The following RSRC1 variants were observed in gnomAD, a reference collection of about 807,000 sequenced individuals.
RSRC1 encodes arginine and serine rich coiled-coil 1, also known as serine/Arginine-related protein 53.
RSRC1 carries 39 observed loss-of-function variants against 49.1 expected under a neutral mutation model. The ratio of observed to expected loss-of-function variants is 0.79; its 90% CI spans 0.61 to 1.04. The LOEUF (loss-of-function observed/expected upper bound fraction) is 1.04. Ranked by LOEUF, RSRC1 falls within the 50% of genes least tolerant of loss-of-function variation. RSRC1 has a pLI of 0.00. For synonymous variants in RSRC1, 143 were observed against 130.8 expected, an observed-to-expected ratio of 1.09 and a Z score of -0.63; for missense variants, 388 against 402.4, an observed-to-expected ratio of 0.96 and a Z score of 0.31.
chr3:158,215,042 T>C (rs901959034), intron 4 of RSRC1, among the ~76,000 whole-genome samples: 7 of 19,378 alleles, frequency 3.6e-4, no homozygotes, highest in African/African-American at 1.1e-3. Flanking sequence ...AGATTTTGCT[T>C]TGTGTATTTT....
At chr3:158,327,030 G>A (rs1005995484) in intron 5 of RSRC1, among the ~76,000 whole-genome samples, 15 of 152,166 alleles carry the variant, frequency 9.9e-5, no homozygotes, top group African/African-American at 3.1e-4. Context: ...GGTGTTTATA[G>A]TATTCTCTGA....
At chr3:158,506,706 C>A (rs1739877182) in intron 7 of RSRC1, among the ~76,000 whole-genome samples, 1 of 151,588 alleles carries the variant, frequency 6.6e-6, no homozygotes, top group Non-Finnish European at 1.5e-5. Flanking sequence ...CAAAAGGAAA[C>A]CCACATACAC....
At chr3:158,385,382 C>T (rs116392407) in intron 6 of RSRC1, among the ~76,000 whole-genome samples, 2,465 of 152,226 alleles carry the variant, frequency 0.016, 64 homozygotes, top group African/African-American at 0.056. Flanking sequence ...GTCAGGAAAA[C>T]TACAAAGTGT....
At chr3:158,512,602 T>C (rs1410338901) in intron 7 of RSRC1, among the ~76,000 whole-genome samples, 4 of 152,058 alleles carry the variant, frequency 2.6e-5, no homozygotes, top group Non-Finnish European at 5.9e-5. Flanking sequence ...ATGCGGGCTC[T>C]TTTTTGGTTC....
At chr3:158,463,446 T>C (rs1737722560) in intron 7 of RSRC1, among the ~76,000 whole-genome samples, 1 of 152,116 alleles carries the variant, frequency 6.6e-6, no homozygotes. Context: ...GTGTATATAG[T>C]TCTGTATCTG....
chr3:158,203,703 T>C (rs1167118222), intron 4 of RSRC1, among the ~76,000 whole-genome samples: 1 of 152,166 alleles, frequency 6.6e-6, no homozygotes, highest in Admixed American at 6.6e-5. Flanking sequence ...TGATTTACTA[T>C]TGTTTAAGCC....
chr3:158,533,163 A>G (rs918277439), intron 7 of RSRC1, among the ~76,000 whole-genome samples: 2 of 151,826 alleles, frequency 1.3e-5, no homozygotes, highest in Non-Finnish European at 2.9e-5. Context: ...GTCTATTTTC[A>G]TACAATAGAG....
chr3:158,329,650 G>T (rs554874877), intron 5 of RSRC1, among the ~76,000 whole-genome samples: 6 of 152,280 alleles, frequency 3.9e-5, no homozygotes, highest in African/African-American at 9.6e-5. Flanking sequence ...TGCCCCTACT[G>T]GGGGGTGCCT....
chr3:158,235,112 C>T (rs768716207), intron 4 of RSRC1, among the ~76,000 whole-genome samples: 3 of 151,920 alleles, frequency 2.0e-5, no homozygotes, highest in Non-Finnish European at 2.9e-5. Context: ...TAGTAGTGAG[C>T]GATTTTTCTT....
At chr3:158,275,885 A>T in intron 4 of RSRC1, 1 of 644,306 alleles carries the variant, frequency 1.6e-6, no homozygotes, top group East Asian at 3.6e-5. Flanking sequence ...TGTGTGGTGG[A>T]ACTTATGGCC....
intron 6 of RSRC1, among the ~76,000 whole-genome samples, chr3:158,426,832 A>C (rs1735474283): frequency 6.6e-6 from 1 of 151,766 alleles, no homozygotes; most frequent in East Asian, 1.9e-4. Flanking sequence ...GAAGGGAGCC[A>C]AAAAGGAATG....
intron 3 of RSRC1, among the ~76,000 whole-genome samples, chr3:158,154,076 G>A (rs1240265779): frequency 3.3e-5 from 5 of 152,064 alleles, no homozygotes; most frequent in Admixed American, 3.3e-4. Context: ...CCACAAGAAG[G>A]TGAATATTGC....
intron 7 of RSRC1, among the ~76,000 whole-genome samples, chr3:158,495,999 A>G (rs1739303853): frequency 6.6e-6 from 1 of 152,244 alleles, no homozygotes; most frequent in Admixed American, 6.5e-5. Context: ...ATACACACAT[A>G]TGTTATATAG....
intron 4 of RSRC1, among the ~76,000 whole-genome samples, chr3:158,270,203 A>T (rs1725427742): frequency 1.3e-5 from 2 of 151,704 alleles, no homozygotes; most frequent in Non-Finnish European, 2.9e-5. Context: ...GATCCATCAT[A>T]CTCCCTGCTG....
Position 158,502,863 on chromosome 3 carries a change from A to G in RSRC1, c.653-34229A>G, listed in dbSNP as rs193210724. ...AACCTCCTGAATTCTTGTTAAGGTA[A>G]AAATGATTTCAGGGATTTCTTTTTG... On this transcript the variant is annotated intron_variant, in intron 7 of 9. Coordinates refer to ENST00000611884, the MANE Select transcript of RSRC1 (RefSeq NM_001271838.2). Among the ~76,000 whole-genome samples, 18 of 152,312 alleles carry G rather than the reference A, an allele frequency of 1.2e-4. No homozygotes were observed. The East Asian group carries it at 3.3e-3, about 28-fold the overall frequency.
chr3:158,430,077 AAAATAAAAT>A (rs1395870504), intron 6 of RSRC1, among the ~76,000 whole-genome samples: 22 of 93,472 alleles, frequency 2.4e-4, no homozygotes, highest in African/African-American at 7.5e-4. Context: ...ACACACAAAA[AAAATAAAAT>A]AAAATAAAAT....
chr3:158,279,080 C>A (rs1249901337), intron 4 of RSRC1, among the ~76,000 whole-genome samples: 1 of 152,122 alleles, frequency 6.6e-6, no homozygotes, highest in African/African-American at 2.4e-5. Context: ...CTTTTCTATT[C>A]TTTTCTCATT....
intron 7 of RSRC1, among the ~76,000 whole-genome samples, chr3:158,467,961 T>G (rs2108416013): frequency 1.3e-5 from 2 of 152,304 alleles, no homozygotes; most frequent in South Asian, 4.1e-4. Flanking sequence ...TGAGACGGAG[T>G]CTCGCTCTGT....
At chr3:158,445,093 T>G (rs1736622720) in intron 6 of RSRC1, among the ~76,000 whole-genome samples, 1 of 152,212 alleles carries the variant, frequency 6.6e-6, no homozygotes, top group Admixed American at 6.5e-5. Flanking sequence ...AAAGACAGTG[T>G]GGCGATTCCT....
Sources: allele counts gnomAD v4.1 joint callset (sites outside exome capture counted in the v4.1 genomes callset), GRCh38; gene constraint gnomAD v4.1.1; transcripts MANE v1.5; gene names NCBI Gene and HGNC (gene_info 2026-07-23, HGNC 2026-07-21).